GABRA1: variants seen among roughly 807,000 people sequenced by gnomAD.
GABRA1 encodes gamma-aminobutyric acid type A receptor subunit alpha1, also known as gamma-aminobutyric acid receptor subunit alpha-1.
A neutral mutation model predicts 48.9 loss-of-function variants in GABRA1; 9 were observed. The observed-to-expected ratio is 0.18, with a 90% CI of 0.11 to 0.32. GABRA1 has a LOEUF of 0.32. Ranked by LOEUF, GABRA1 falls within the 10% of genes least tolerant of loss-of-function variation. The pLI is 1.00. For missense variants in GABRA1, 285 were observed against 553.8 expected, an observed-to-expected ratio of 0.51 and a Z score of 4.87; for synonymous variants, 210 against 198.7, an observed-to-expected ratio of 1.06 and a Z score of -0.48.
chr5:161,875,756 T>C, intron 6 of GABRA1, 114 bp downstream of exon 6: 1 of 791,008 alleles, frequency 1.3e-6, no homozygotes, highest in African/African-American at 1.7e-5. Context: ...TAAACAGCAA[T>C]ATACCACATG....
intron 4 of GABRA1, among the ~76,000 whole-genome samples, chr5:161,867,374 C>T (rs944279723): frequency 2.0e-5 from 3 of 152,002 alleles, no homozygotes; most frequent in Non-Finnish European, 4.4e-5. Flanking sequence ...TCACTTGTTC[C>T]CAATATTAAC....
chr5:161,868,881 A>G (rs557547488), intron 4 of GABRA1, among the ~76,000 whole-genome samples: 2 of 152,304 alleles, frequency 1.3e-5, no homozygotes, highest in East Asian at 3.9e-4. Flanking sequence ...TCTACATTTT[A>G]TATTTTACAT....
At chr5:161,876,107 A>T (rs925593832) in intron 6 of GABRA1, among the ~76,000 whole-genome samples, 4 of 152,108 alleles carry the variant, frequency 2.6e-5, no homozygotes, top group Non-Finnish European at 2.9e-5. Flanking sequence ...CACCAAACTG[A>T]TGTTGCAAAA....
At chr5:161,877,486 G>C (rs1001739493) in intron 6 of GABRA1, among the ~76,000 whole-genome samples, 1 of 152,120 alleles carries the variant, frequency 6.6e-6, no homozygotes, top group Non-Finnish European at 1.5e-5. Flanking sequence ...TCACAAGATG[G>C]CTGCTGTAAC....
chr5:161,869,867 A>G (rs1754031906), intron 4 of GABRA1, among the ~76,000 whole-genome samples: 1 of 152,132 alleles, frequency 6.6e-6, no homozygotes, highest in South Asian at 2.1e-4. Context: ...CCTCTTCTGC[A>G]TTTTGTTTTT....
At chr5:161,870,478 G>A (rs1360811784) in intron 4 of GABRA1, among the ~76,000 whole-genome samples, 1 of 151,184 alleles carries the variant, frequency 6.6e-6, no homozygotes, top group Non-Finnish European at 1.5e-5. Context: ...TGAGCCAGGA[G>A]AATAGCTTGA....
intron 6 of GABRA1, among the ~76,000 whole-genome samples, chr5:161,876,095 T>A (rs1754340241): frequency 6.6e-6 from 1 of 152,116 alleles, no homozygotes; most frequent in South Asian, 2.1e-4. Context: ...TAATGAAGCC[T>A]ACACCAAACT....
intron 7 of GABRA1, among the ~76,000 whole-genome samples, chr5:161,884,189 A>C (rs1195600237): frequency 1.3e-5 from 2 of 152,186 alleles, no homozygotes; most frequent in Non-Finnish European, 2.9e-5. Context: ...CCAGAACATG[A>C]AAAATGCTCA....
At chr5:161,890,646 A>G (rs960309871) in intron 7 of GABRA1, among the ~76,000 whole-genome samples, 2 of 152,064 alleles carry the variant, frequency 1.3e-5, no homozygotes, top group African/African-American at 4.8e-5. Flanking sequence ...CCAATATGTG[A>G]TGTATTTGAA....
chr5:161,886,290 A>G (rs1047623924), intron 7 of GABRA1, among the ~76,000 whole-genome samples: 1 of 151,972 alleles, frequency 6.6e-6, no homozygotes, highest in African/African-American at 2.4e-5. Context: ...AAAGATTTCA[A>G]TGCTGGTTTT....
Position 161,885,180 on chromosome 5 carries a change from G to A in GABRA1, c.703+2479G>A, listed in dbSNP as rs190060429. 1.9e-3 allele frequency among the ~76,000 whole-genome samples: 283 copies of A among 152,242 alleles called. 1 individual carries two copies. Among genetic ancestry groups the A allele is most frequent in the African/African-American group, 6.3e-3 (261 of 41,538 alleles). ...CAAATGGAAGCTCAGTTTGATGTAC[G>A]TTTCAACTCCACAGTAACGCTGAAT... On this transcript the variant is annotated intron_variant, in intron 7 of 9. Coordinates refer to ENST00000393943, the MANE Select transcript of GABRA1 (RefSeq NM_001127644.2).
At chr5:161,880,403 GCC>G (rs1754564153) in intron 6 of GABRA1, among the ~76,000 whole-genome samples, 2 of 152,102 alleles carry the variant, frequency 1.3e-5, no homozygotes, top group South Asian at 4.1e-4. Context: ...AGTGTGCTCT[GCC>G]TTCTTCTAAG....
At chr5:161,867,270 T>C (rs1015502958) in intron 4 of GABRA1, among the ~76,000 whole-genome samples, 4 of 152,174 alleles carry the variant, frequency 2.6e-5, no homozygotes, top group Admixed American at 2.0e-4. Context: ...ATGGTACTTT[T>C]ATAGTTAAGA....
At chr5:161,856,162 A>G (rs1757636225) in intron 3 of GABRA1, among the ~76,000 whole-genome samples, 1 of 151,314 alleles carries the variant, frequency 6.6e-6, no homozygotes, top group Non-Finnish European at 1.5e-5. Context: ...TAGACCCTGG[A>G]GAGCCATAGA....
At chr5:161,865,053 T>A (rs1033348899) in intron 3 of GABRA1, among the ~76,000 whole-genome samples, 61 of 152,210 alleles carry the variant, frequency 4.0e-4, no homozygotes, top group African/African-American at 1.4e-3. Flanking sequence ...ATAATTAATA[T>A]GCTTTATTGG....
At chr5:161,858,508 A>G (rs924135591) in intron 3 of GABRA1, among the ~76,000 whole-genome samples, 1 of 151,716 alleles carries the variant, frequency 6.6e-6, no homozygotes, top group East Asian at 1.9e-4. Flanking sequence ...TTTATTTACA[A>G]TAAGCCAAAA....
chr5:161,854,962 A>G (rs112720624), intron 3 of GABRA1, among the ~76,000 whole-genome samples: 7 of 151,646 alleles, frequency 4.6e-5, no homozygotes, highest in Non-Finnish European at 1.0e-4. Context: ...AGATAATCAA[A>G]CTATCTTATT....
At chr5:161,880,113 C>T (rs777058254) in intron 6 of GABRA1, among the ~76,000 whole-genome samples, 7 of 152,128 alleles carry the variant, frequency 4.6e-5, no homozygotes, top group Admixed American at 1.3e-4. Flanking sequence ...GTCAAATGAA[C>T]GGCATCCTAA....
intron 6 of GABRA1, among the ~76,000 whole-genome samples, chr5:161,881,540 T>C (rs987964854): frequency 1.3e-5 from 2 of 152,158 alleles, no homozygotes; most frequent in Non-Finnish European, 1.5e-5. Context: ...GGAAAATATC[T>C]ATAAGAAGGA....
Sources: allele counts gnomAD v4.1 joint callset (sites outside exome capture counted in the v4.1 genomes callset), GRCh38; gene constraint gnomAD v4.1.1; transcripts MANE v1.5; gene names NCBI Gene and HGNC (gene_info 2026-07-23, HGNC 2026-07-21).